The following DENND1A variants were observed in gnomAD, a reference collection of about 807,000 sequenced individuals.
The protein encoded by DENND1A is DENN domain-containing protein 1A.
In DENND1A, 51 loss-of-function variants were observed where a neutral mutation model predicts 113.7. The observed-to-expected ratio is 0.45, with a 90% CI of 0.36 to 0.57. The LOEUF (loss-of-function observed/expected upper bound fraction) is 0.57. DENND1A is among the 20% of genes least tolerant of loss of function. The probability of loss-of-function intolerance (pLI) is 0.00; values close to 1 mark genes in which losing one functional copy is unlikely to be tolerated. For synonymous variants in DENND1A, 565 were observed against 570.8 expected (o/e 0.99, Z 0.14); for missense variants, 1,258 against 1,395.9 (o/e 0.90, Z 1.57).
At chr9:123,601,142 G>C (rs987520584) in intron 11 of DENND1A, among the ~76,000 whole-genome samples, 1 of 152,100 alleles carries the variant, frequency 6.6e-6, no homozygotes, top group African/African-American at 2.4e-5. Flanking sequence ...TTTTTTTACT[G>C]GGATTCTCCT....
chr9:123,389,977 G>A (rs1891639), intron 21 of DENND1A, among the ~76,000 whole-genome samples: 109,417 of 152,140 alleles, frequency 0.72, 40,144 homozygotes, highest in East Asian at 0.87. Context: ...CATGCTTACC[G>A]TCTTTGACCA....
intron 11 of DENND1A, among the ~76,000 whole-genome samples, chr9:123,593,446 C>A (rs896118048): frequency 6.6e-6 from 1 of 152,096 alleles, no homozygotes; most frequent in African/African-American, 2.4e-5. Flanking sequence ...GACCTCCAAG[C>A]AAAGGGGAAG....
chr9:123,562,681 TTAC>T (rs1343545152), intron 12 of DENND1A, among the ~76,000 whole-genome samples: 1 of 152,220 alleles, frequency 6.6e-6, no homozygotes, highest in Non-Finnish European at 1.5e-5. Flanking sequence ...AAAGCATATG[TTAC>T]TTTTATAATA....
chr9:123,853,160 C>T lies in DENND1A; in HGVS notation c.88+25791G>A, dbSNP rs144951978. Among the ~76,000 whole-genome samples the T allele has an allele frequency of 4.3e-3, 654 of 150,488 alleles. 5 individuals carry two copies. The highest frequency in any genetic ancestry group is 0.015 in the African/African-American group (631 of 41,052). On this transcript the variant is annotated intron_variant, in intron 2 of 23. Transcript: ENST00000394215. Reference sequence around the variant, plus strand: ...GTCTCGAACTTCTGACCTCATGATCCGCCGGTCTCAGCCTCCCAAAGTGCT... The same window carrying T: ...GTCTCGAACTTCTGACCTCATGATCTGCCGGTCTCAGCCTCCCAAAGTGCT...
intron 1 of DENND1A, among the ~76,000 whole-genome samples, chr9:123,882,322 C>CAAAAAAAAAAAAA (rs59820553): frequency 8.0e-6 from 1 of 124,394 alleles, no homozygotes. Flanking sequence ...AACCTTGTTT[C>CAAAAAAAAAAAAA]AAAAAAAAAA....
At chr9:123,647,102 T>G (rs2062379919) in intron 9 of DENND1A, among the ~76,000 whole-genome samples, 1 of 152,232 alleles carries the variant, frequency 6.6e-6, no homozygotes, top group African/African-American at 2.4e-5. Flanking sequence ...AACTGCTTTG[T>G]CTCTATCCCT....
intron 20 of DENND1A, among the ~76,000 whole-genome samples, chr9:123,408,824 AAC>A (rs2044087731): frequency 1.3e-5 from 2 of 152,242 alleles, no homozygotes; most frequent in Non-Finnish European, 1.5e-5. Context: ...CCAGTGAGAC[AAC>A]ACAGAGTCCA....
At chr9:123,537,193 T>A (rs1034598527) in intron 13 of DENND1A, among the ~76,000 whole-genome samples, 1 of 151,538 alleles carries the variant, frequency 6.6e-6, no homozygotes. Context: ...GGGATAGAAC[T>A]CAGGAAAATA....
chr9:123,913,899 CAA>C (rs539054836), intron 1 of DENND1A, among the ~76,000 whole-genome samples: 5,331 of 107,988 alleles, frequency 0.049, 111 homozygotes, highest in Middle Eastern at 0.058. Flanking sequence ...ACTCCTATCT[CAA>C]AAAAAAAAAA....
intron 5 of DENND1A, among the ~76,000 whole-genome samples, chr9:123,736,228 T>C (rs1390868321): frequency 6.6e-6 from 1 of 152,218 alleles, no homozygotes; most frequent in Non-Finnish European, 1.5e-5. Context: ...AGAGCTATGT[T>C]GTAAGCTCAG....
chr9:123,695,982 C>CAAAAA (rs59667113), intron 5 of DENND1A, among the ~76,000 whole-genome samples: 60 of 106,562 alleles, frequency 5.6e-4, no homozygotes, highest in African/African-American at 1.7e-3. Flanking sequence ...TCTGTTAATA[C>CAAAAA]AAAAAAAAAA....
intron 9 of DENND1A, among the ~76,000 whole-genome samples, chr9:123,646,045 C>T (rs1216567466): frequency 6.6e-6 from 1 of 152,200 alleles, no homozygotes; most frequent in African/African-American, 2.4e-5. Context: ...GGCAACAATC[C>T]CTGTCTTCAT....
chr9:123,550,716 T>C (rs1336221199), intron 13 of DENND1A, among the ~76,000 whole-genome samples: 2 of 152,228 alleles, frequency 1.3e-5, no homozygotes, highest in African/African-American at 4.8e-5. Context: ...ATGATATAAT[T>C]TTAAACAAAG....
At chr9:123,610,820 C>G (rs534031329) in intron 10 of DENND1A, among the ~76,000 whole-genome samples, 1 of 152,128 alleles carries the variant, frequency 6.6e-6, no homozygotes, top group Non-Finnish European at 1.5e-5. Context: ...TTGCTTCCAA[C>G]TGAATACTAA....
chr9:123,607,539 A>AGTGT (rs2060221791), intron 11 of DENND1A, among the ~76,000 whole-genome samples: 3 of 127,754 alleles, frequency 2.3e-5, no homozygotes, highest in African/African-American at 8.8e-5. Context: ...AGAGAGAGAG[A>AGTGT]GAGAGAGAGT....
At position 123,519,762 on chromosome 9, in the gene DENND1A, C is replaced by T. The variant is rs2054237886; in HGVS notation, c.993+37808G>A. ...TAACCTGGTGGCCTCACTTCCTTGC[C>T]AGTGATGGGCTGGAGCAGAGGCATG... is the stretch of plus-strand genomic sequence containing the variant. On this transcript the variant is annotated intron_variant, in intron 13 of 23. Transcript: ENST00000394215. 2.6e-5 allele frequency among the ~76,000 whole-genome samples: 4 copies of T among 152,092 alleles called. No homozygotes were observed. The South Asian group carries it at 8.3e-4, about 32-fold the overall frequency.
intron 11 of DENND1A, among the ~76,000 whole-genome samples, chr9:123,591,494 T>C (rs1481180491): frequency 6.6e-6 from 1 of 152,246 alleles, no homozygotes; most frequent in Admixed American, 6.5e-5. Context: ...GTCCAACAGC[T>C]GTGCAGCAAG....
intron 1 of DENND1A, among the ~76,000 whole-genome samples, chr9:123,917,941 T>G (rs1010358383): frequency 5.3e-5 from 8 of 149,836 alleles, no homozygotes; most frequent in Non-Finnish European, 1.5e-5. Context: ...AAACCCCATC[T>G]CTACTAAAAA....
intron 5 of DENND1A, among the ~76,000 whole-genome samples, chr9:123,694,735 GA>G (rs1477883779): frequency 6.6e-6 from 1 of 152,140 alleles, no homozygotes; most frequent in African/African-American, 2.4e-5. Context: ...ACCAGGATTC[GA>G]AATGATGTCT....
Sources: allele counts gnomAD v4.1 joint callset (sites outside exome capture counted in the v4.1 genomes callset), GRCh38; gene constraint gnomAD v4.1.1; transcripts MANE v1.5; gene names NCBI Gene and HGNC (gene_info 2026-07-23, HGNC 2026-07-21).